SUCLG2: variants seen among roughly 807,000 people sequenced by gnomAD.
SUCLG2 encodes succinate--CoA ligase [GDP-forming] subunit beta, mitochondrial.
Under a neutral mutation model 47.9 loss-of-function variants are expected in SUCLG2, and 42 were observed. That is an observed-to-expected ratio of 0.88 (90% confidence interval 0.69 to 1.14). The LOEUF (loss-of-function observed/expected upper bound fraction) is 1.14. Ranked by LOEUF, SUCLG2 falls within the 50% of genes most tolerant of loss-of-function variation. SUCLG2 has a pLI of 0.00. For missense variants in SUCLG2, 571 were observed against 525.9 expected (o/e 1.09, Z -0.84); for synonymous variants, 195 against 197.3 (o/e 0.99, Z 0.10).
chr3:67,520,853 G>A (rs551953090), intron 4 of SUCLG2, among the ~76,000 whole-genome samples: 1 of 152,240 alleles, frequency 6.6e-6, no homozygotes, highest in East Asian at 1.9e-4. Flanking sequence ...CGAGTGACAG[G>A]TATTTCGTTT....
At position 67,593,512 on chromosome 3, in the gene SUCLG2, C is replaced by G. The variant is rs1236457489; in HGVS notation, c.226+15943G>C. On this transcript the variant is annotated intron_variant, in intron 2 of 10. Transcript: ENST00000307227. ...ATCAACAAGTCCCGAGCTGTCCATC[C>G]AAAACACATCTCAAAGACATCAGCT... Among the ~76,000 whole-genome samples, 5 of 152,220 alleles carry G rather than the reference C, an allele frequency of 3.3e-5. No homozygotes were observed. In the East Asian group the frequency reaches 7.7e-4, roughly 23 times the overall value.
At chr3:67,380,166 T>A (rs1417867314) in intron 10 of SUCLG2, among the ~76,000 whole-genome samples, 1 of 39,664 alleles carries the variant, frequency 2.5e-5, no homozygotes, top group Admixed American at 2.0e-4. Flanking sequence ...TCAGGAGGGA[T>A]TTTTTTTTTT....
chr3:67,430,945 T>C (rs542087788), intron 9 of SUCLG2, among the ~76,000 whole-genome samples: 28 of 152,168 alleles, frequency 1.8e-4, no homozygotes, highest in African/African-American at 6.7e-4. Context: ...GGCTCTGAAA[T>C]TGAGGTAATA....
At chr3:67,513,834 T>G (rs188563625) in intron 6 of SUCLG2, 2 of 152,392 alleles carry the variant, frequency 1.3e-5, no homozygotes, top group African/African-American at 2.4e-5. Context: ...TATACGTACA[T>G]GAAAATCTGA....
At chr3:67,452,436 T>G (rs1394305456) in intron 9 of SUCLG2, among the ~76,000 whole-genome samples, 1 of 152,208 alleles carries the variant, frequency 6.6e-6, no homozygotes, top group Admixed American at 6.5e-5. Context: ...TGATTTTATG[T>G]GAATGAGTGC....
At chr3:67,363,146 C>CA (rs1238100399) in intron 10 of SUCLG2, among the ~76,000 whole-genome samples, 2 of 152,018 alleles carry the variant, frequency 1.3e-5, no homozygotes, top group Non-Finnish European at 2.9e-5. Context: ...CTTGCTCAAC[C>CA]AAAAAATAAA....
At chr3:67,603,734 C>T (rs1708471345) in intron 2 of SUCLG2, among the ~76,000 whole-genome samples, 1 of 152,046 alleles carries the variant, frequency 6.6e-6, no homozygotes, top group Non-Finnish European at 1.5e-5. Context: ...GATAGTGATC[C>T]TAGATATGTT....
chr3:67,445,011 C>T (rs1272230531), intron 9 of SUCLG2, among the ~76,000 whole-genome samples: 1,294 of 44,962 alleles, frequency 0.029, 325 homozygotes, highest in Non-Finnish European at 0.041. Context: ...GTCAGCCCCC[C>T]GCCCGGCCAG....
chr3:67,370,479 T>C (rs1045981716), downstream of SUCLG2, among the ~76,000 whole-genome samples: 4 of 152,178 alleles, frequency 2.6e-5, no homozygotes, highest in African/African-American at 9.7e-5. Context: ...TGAGATCATA[T>C]ACATGAAGAG....
intron 10 of SUCLG2, among the ~76,000 whole-genome samples, chr3:67,397,348 C>G (rs1476619991): frequency 1.3e-5 from 2 of 151,040 alleles, no homozygotes; most frequent in Non-Finnish European, 3.0e-5. Flanking sequence ...AATCAATGTA[C>G]AAAAATCACA....
At chr3:67,575,746 T>G (rs1707725851) in intron 2 of SUCLG2, among the ~76,000 whole-genome samples, 1 of 152,210 alleles carries the variant, frequency 6.6e-6, no homozygotes, top group African/African-American at 2.4e-5. Context: ...AGGACACCTA[T>G]GAGAATTATC....
At chr3:67,371,416 A>G (rs776032902), downstream of SUCLG2, among the ~76,000 whole-genome samples, 1 of 152,198 alleles carries the variant, frequency 6.6e-6, no homozygotes, top group Non-Finnish European at 1.5e-5. Context: ...TCCTAATATG[A>G]TAAAAGTGCC....
chr3:67,560,090 C>T (rs1707268999), intron 2 of SUCLG2, among the ~76,000 whole-genome samples: 1 of 152,118 alleles, frequency 6.6e-6, no homozygotes, highest in South Asian at 2.1e-4. Flanking sequence ...AAGAAAAACT[C>T]TAAGTCCATG....
At chr3:67,628,848 T>A (rs920814738) in intron 1 of SUCLG2, among the ~76,000 whole-genome samples, 1 of 152,132 alleles carries the variant, frequency 6.6e-6, no homozygotes, top group Non-Finnish European at 1.5e-5. Flanking sequence ...ATTTGCAGTG[T>A]GAAAATGAAC....
At position 67,654,582 on chromosome 3, in the gene SUCLG2, G is replaced by T; in HGVS notation, c.5C>A (p.Ala2Glu). M[A>E]SPVAAQAGKL... The stretch of plus-strand genomic sequence containing the variant: ...CCCGGCCTGCGCTGCTACGGGGGAC[G>T]CCATCTTAAACAGGAAACTCGGCAC... The change falls in exon 1 of 11, where the codon GCG becomes GAG. Residue 2 changes from alanine to glutamate, a missense_variant. Physicochemically the swap from Ala to Glu is moderately radical, Grantham distance 107. Transcript: ENST00000307227. 1 of 1,274,314 alleles carries T rather than the reference G, an allele frequency of 7.8e-7. No homozygotes were observed. 78.9% of individuals were successfully genotyped at this position (1,274,314 alleles called of 1,614,324 possible).
At chr3:67,471,759 G>C (rs9813582) in intron 9 of SUCLG2, among the ~76,000 whole-genome samples, 14,538 of 152,080 alleles carry the variant, frequency 0.096, 882 homozygotes, top group East Asian at 0.19. Context: ...GGACAACATG[G>C]CTGGGCTCTG....
chr3:67,497,211 T>C (rs1440803170), intron 8 of SUCLG2, among the ~76,000 whole-genome samples: 1 of 152,212 alleles, frequency 6.6e-6, no homozygotes, highest in Admixed American at 6.5e-5. Context: ...TTCTATTGTA[T>C]TGAACAGCCA....
At chr3:67,620,456 G>A (rs1388312524) in intron 1 of SUCLG2, among the ~76,000 whole-genome samples, 5 of 151,730 alleles carry the variant, frequency 3.3e-5, no homozygotes, top group African/African-American at 1.2e-4. Flanking sequence ...GTGGTGGCAC[G>A]CACCTTTAAT....
At chr3:67,457,669 A>G (rs907973781) in intron 9 of SUCLG2, among the ~76,000 whole-genome samples, 3 of 151,218 alleles carry the variant, frequency 2.0e-5, no homozygotes, top group African/African-American at 7.3e-5. Context: ...TATAACAACA[A>G]AAGAACAAAA....
Sources: gnomAD v4.1 joint callset for allele counts (sites outside exome capture counted in the v4.1 genomes callset) on GRCh38, gnomAD v4.1.1 for gene constraint, MANE v1.5 for transcripts, NCBI Gene and HGNC (gene_info 2026-07-23, HGNC 2026-07-21) for gene names.